The following GAK variants were observed in gnomAD, a reference collection of about 807,000 sequenced individuals.
The protein encoded by GAK is cyclin G associated kinase, also known as cyclin-G-associated kinase.
In GAK, 79 loss-of-function variants were observed where a neutral mutation model predicts 143.9. The observed-to-expected ratio is 0.55, with a 90% confidence interval of 0.46 to 0.66. The LOEUF (loss-of-function observed/expected upper bound fraction) is 0.66. Ranked by LOEUF, GAK falls within the 30% of genes least tolerant of loss-of-function variation. The pLI is 0.00. For missense variants in GAK, 1,693 were observed against 1,779.7 expected (o/e 0.95, Z 0.88); for synonymous variants, 881 against 765.5 (o/e 1.15, Z -2.49).
At chr4:898,545 A>G (rs1379718382) in intron 5 of GAK, among the ~76,000 whole-genome samples, 2 of 152,240 alleles carry the variant, frequency 1.3e-5, no homozygotes, top group African/African-American at 4.8e-5. Flanking sequence ...CCCATAAATC[A>G]AAGAAAGATA....
At chr4:891,124 A>G (rs1017499128) in intron 9 of GAK, among the ~76,000 whole-genome samples, 1 of 151,746 alleles carries the variant, frequency 6.6e-6, no homozygotes, top group South Asian at 2.1e-4. Context: ...ACGCCTGGCT[A>G]ATTTGTTTTG....
chr4:914,610 A>G (rs1577298115), intron 1 of GAK, among the ~76,000 whole-genome samples: 1 of 64,244 alleles, frequency 1.6e-5, no homozygotes, highest in Non-Finnish European at 2.8e-5. Flanking sequence ...ACATAGCCCC[A>G]GCGTACACGG....
rs377418158 is a variant in GAK, at chr4:851,805, C to T, written c.3453G>A (p.Ser1151=). 20 of 1,612,144 alleles carry T rather than the reference C, an allele frequency of 1.2e-5. No individual in the cohort carries two copies. Among genetic ancestry groups the T allele is most frequent in the South Asian group, 3.3e-5 (3 of 90,746 alleles). Reference sequence around the variant, plus strand: ...CCCGCGCCCCGATCACACTGAAGTTCGAGGCATAGTTAGGCCTTGGCTGTG... The same window carrying T: ...CCCGCGCCCCGATCACACTGAAGTTTGAGGCATAGTTAGGCCTTGGCTGTG... The part of the protein sequence containing the change: ...ACTQPRPNYA[S]NFSVIGAREE... Residue 1151 remains serine (S), a synonymous_variant, in exon 25 of 28, where the codon TCG becomes TCA. Transcript: ENST00000314167.
chr4:920,132 C>A (rs1038978060), intron 1 of GAK, among the ~76,000 whole-genome samples: 2 of 152,078 alleles, frequency 1.3e-5, no homozygotes, highest in African/African-American at 4.8e-5. Context: ...CGCAGTGAGA[C>A]CCCGTCTCTA....
chr4:879,546 C>T (rs1389782835), intron 15 of GAK, among the ~76,000 whole-genome samples: 1 of 152,208 alleles, frequency 6.6e-6, no homozygotes, highest in Non-Finnish European at 1.5e-5. Context: ...CGGCTGACAT[C>T]TTTCTTTTTG....
chr4:907,180 C>T (rs1721231042), intron 4 of GAK, among the ~76,000 whole-genome samples: 1 of 152,344 alleles, frequency 6.6e-6, no homozygotes, highest in South Asian at 2.1e-4. Flanking sequence ...ACGCTAGAAT[C>T]GACTCACAGA....
intron 17 of GAK, 51 bp downstream of exon 17, chr4:877,039 A>G (rs776170566): frequency 1.5e-6 from 2 of 1,303,644 alleles, no homozygotes; most frequent in South Asian, 1.2e-5. Flanking sequence ...CCAGCCCCCC[A>G]TGAGCCTAGG....
intron 4 of GAK, among the ~76,000 whole-genome samples, chr4:906,090 G>A (rs766427684): frequency 5.9e-5 from 9 of 152,142 alleles, no homozygotes; most frequent in East Asian, 1.9e-4. Context: ...TTGAGCTGGC[G>A]TGCCGTTAAC....
intron 18 of GAK, among the ~76,000 whole-genome samples, chr4:874,616 C>T (rs1713443455): frequency 6.6e-6 from 1 of 151,986 alleles, no homozygotes; most frequent in Non-Finnish European, 1.5e-5. Flanking sequence ...CTTCGGGTTC[C>T]AGCAATTCAA....
intron 5 of GAK, among the ~76,000 whole-genome samples, chr4:903,926 GTC>G (rs1192307269): frequency 1.3e-5 from 2 of 152,252 alleles, no homozygotes. Flanking sequence ...CGGGATCTCT[GTC>G]GGCAAAGGCC....
intron 22 of GAK, 29 bp from the exon 23 acceptor site, chr4:865,273 A>T (rs762909053): frequency 6.2e-7 from 1 of 1,611,998 alleles, no homozygotes; most frequent in African/African-American, 1.3e-5. Context: ...AAGAGAGCAC[A>T]GTTTGGTGTC....
intron 1 of GAK, among the ~76,000 whole-genome samples, chr4:929,654 T>A (rs1211719345): frequency 6.8e-6 from 1 of 147,490 alleles, no homozygotes; most frequent in Non-Finnish European, 1.5e-5. Flanking sequence ...TTCAAATCCA[T>A]CCTGAGTAAC....
intron 18 of GAK, 51 bp downstream of exon 18, chr4:876,479 C>A (rs374755261): frequency 3.3e-6 from 5 of 1,497,066 alleles, no homozygotes; most frequent in East Asian, 2.3e-5. Context: ...GCAGGTGCTG[C>A]GGCACAGGGC....
intron 4 of GAK, among the ~76,000 whole-genome samples, chr4:905,240 T>C (rs1171949940): frequency 6.6e-6 from 1 of 152,198 alleles, no homozygotes; most frequent in African/African-American, 2.4e-5. Flanking sequence ...GAGTGTACTT[T>C]TGTTTTCAAT....
intron 25 of GAK, 175 bp from the exon 26 acceptor site, chr4:851,259 G>A (rs1011788967): frequency 2.1e-5 from 11 of 531,462 alleles, no homozygotes; most frequent in Non-Finnish European, 3.0e-5. Context: ...CACCATGCCT[G>A]GCTAATTTTT....
intron 1 of GAK, among the ~76,000 whole-genome samples, chr4:924,176 CAAAAAAA>C (rs71640369): frequency 3.0e-5 from 3 of 99,878 alleles, no homozygotes; most frequent in African/African-American, 4.1e-5. Flanking sequence ...GACTCCCTCT[CAAAAAAA>C]AAAAAAAAAA....
chr4:921,206 G>A (rs1577321193), intron 1 of GAK, among the ~76,000 whole-genome samples: 1 of 152,232 alleles, frequency 6.6e-6, no homozygotes, highest in African/African-American at 2.4e-5. Flanking sequence ...AGGTTCAAGC[G>A]ATTCTCCTGC....
chr4:903,891 C>T (rs901317433), intron 5 of GAK, among the ~76,000 whole-genome samples: 2 of 152,216 alleles, frequency 1.3e-5, no homozygotes, highest in Non-Finnish European at 2.9e-5. Context: ...GCGTGAAGGC[C>T]CCCAGCAGGG....
intron 5 of GAK, among the ~76,000 whole-genome samples, chr4:903,779 C>T (rs563415736): frequency 2.0e-5 from 3 of 151,798 alleles, no homozygotes; most frequent in African/African-American, 7.3e-5. Flanking sequence ...CCGGCGGGCA[C>T]CCTCGTCCAC....
Sources: gnomAD v4.1 joint callset for allele counts (sites outside exome capture counted in the v4.1 genomes callset) on GRCh38, gnomAD v4.1.1 for gene constraint, MANE v1.5 for transcripts, NCBI Gene and HGNC (gene_info 2026-07-23, HGNC 2026-07-21) for gene names.